The following TENM2 variants were observed in gnomAD, a reference collection of about 807,000 sequenced individuals.
The protein encoded by TENM2 is teneurin transmembrane protein 2, also known as teneurin-2.
TENM2 carries 52 observed loss-of-function variants against 245.2 expected under a neutral mutation model. That is an observed-to-expected ratio of 0.21 (90% CI 0.17 to 0.27). The LOEUF (loss-of-function observed/expected upper bound fraction) is 0.27, where lower values mean the gene tolerates loss of function less well. Among genes scored for constraint, TENM2 ranks in the 10% least tolerant of loss-of-function variants. The pLI is 1.00. For missense variants in TENM2, 3,046 were observed against 3,666.8 expected, an observed-to-expected ratio of 0.83 and a Z score of 4.37; for synonymous variants, 1,363 against 1,438.9, an observed-to-expected ratio of 0.95 and a Z score of 1.19.
intron 7 of TENM2, 82 bp from the exon 10 acceptor site, chr5:168,090,492 A>T: frequency 7.7e-7 from 1 of 1,301,100 alleles, no homozygotes; most frequent in Non-Finnish European, 1.0e-6. Flanking sequence ...TCCATTAACA[A>T]ATGGGTTCGG....
At chr5:167,636,944 A>G (rs1001360624) in intron 2 of TENM2, among the ~76,000 whole-genome samples, 7 of 152,204 alleles carry the variant, frequency 4.6e-5, no homozygotes, top group African/African-American at 1.7e-4. Context: ...GTGGGAGCTA[A>G]GAAACGGGCT....
At chr5:168,161,836 A>ACACACACT (rs1362330207) in intron 12 of TENM2, among the ~76,000 whole-genome samples, 1 of 151,860 alleles carries the variant, frequency 6.6e-6, no homozygotes, top group South Asian at 2.1e-4. Context: ...ACACACACAC[A>ACACACACT]CACACACATC....
At chr5:167,238,532 T>G in the TENM2 span, among the ~76,000 whole-genome samples, 1 of 152,132 alleles carries the variant, frequency 6.6e-6, no homozygotes. Flanking sequence ...AGATTAGGTA[T>G]TGAGGGACAT....
chr5:167,156,865 T>G, the TENM2 span, among the ~76,000 whole-genome samples: 6 of 152,190 alleles, frequency 3.9e-5, no homozygotes, highest in South Asian at 1.0e-3. Context: ...TTCTGAAATA[T>G]CGACATGTTC....
At chr5:167,808,763 G>A (rs768666110) in intron 2 of TENM2, among the ~76,000 whole-genome samples, 10 of 152,010 alleles carry the variant, frequency 6.6e-5, no homozygotes, top group Non-Finnish European at 1.3e-4. Context: ...TGTCAATAAT[G>A]CAAAACTTAT....
the TENM2 span, among the ~76,000 whole-genome samples, chr5:167,216,120 A>G: frequency 2.6e-5 from 4 of 152,280 alleles, no homozygotes; most frequent in East Asian, 3.9e-4. Flanking sequence ...ACAGAGGTTC[A>G]GTCGCTTGCT....
At chr5:167,361,426 C>T (rs1759710785) in intron 1 of TENM2, among the ~76,000 whole-genome samples, 1 of 152,152 alleles carries the variant, frequency 6.6e-6, no homozygotes, top group Non-Finnish European at 1.5e-5. Flanking sequence ...CTATAAACAA[C>T]ATATAGCACT....
intron 5 of TENM2, among the ~76,000 whole-genome samples, chr5:168,044,644 T>C (rs181728023): frequency 6.6e-6 from 1 of 151,826 alleles, no homozygotes; most frequent in Non-Finnish European, 1.5e-5. Flanking sequence ...CTTTTGGGGG[T>C]TGCAGATGTG....
chr5:167,833,585 CT>C (rs1332586902), intron 2 of TENM2, among the ~76,000 whole-genome samples: 1 of 152,194 alleles, frequency 6.6e-6, no homozygotes, highest in Non-Finnish European at 1.5e-5. Context: ...TTATCGCAGT[CT>C]TTGCGTAATC....
chr5:167,263,718 G>C, the TENM2 span, among the ~76,000 whole-genome samples: 13 of 151,370 alleles, frequency 8.6e-5, no homozygotes, highest in Admixed American at 7.2e-4. Context: ...CTCTTTTTCA[G>C]GCAAAAAGTT....
At chr5:167,713,763 G>A (rs1172560867) in intron 2 of TENM2, among the ~76,000 whole-genome samples, 1 of 152,156 alleles carries the variant, frequency 6.6e-6, no homozygotes, top group East Asian at 1.9e-4. Flanking sequence ...TCGTGCGTAC[G>A]TGCACACACA....
At chr5:167,981,171 T>C (rs1461556045) in intron 4 of TENM2, among the ~76,000 whole-genome samples, 1 of 152,204 alleles carries the variant, frequency 6.6e-6, no homozygotes, top group Non-Finnish European at 1.5e-5. Context: ...GGAATCGCCA[T>C]AGGCCCCTCT....
At chr5:168,134,388 C>T (rs1352727200) in intron 12 of TENM2, among the ~76,000 whole-genome samples, 1 of 151,794 alleles carries the variant, frequency 6.6e-6, no homozygotes, top group African/African-American at 2.4e-5. Context: ...TTGTCTAGCA[C>T]CAATGCAGGA....
At chr5:167,185,611 A>G in the TENM2 span, among the ~76,000 whole-genome samples, 3 of 152,250 alleles carry the variant, frequency 2.0e-5, no homozygotes, top group Admixed American at 2.0e-4. Context: ...TTCTTCCATG[A>G]GATTCTTATC....
At chr5:167,775,435 C>G (rs1249734738) in intron 2 of TENM2, among the ~76,000 whole-genome samples, 14 of 152,194 alleles carry the variant, frequency 9.2e-5, no homozygotes, top group Admixed American at 8.5e-4. Flanking sequence ...GCTGGTAATG[C>G]AGAACTAGGT....
At chr5:167,646,109 CACAT>C (rs1281444789) in intron 2 of TENM2, among the ~76,000 whole-genome samples, 2 of 148,130 alleles carry the variant, frequency 1.4e-5, no homozygotes, top group East Asian at 4.0e-4. Flanking sequence ...TATACACACA[CACAT>C]ATATATGTGC....
chr5:168,187,523 A>T (rs1300212014), intron 13 of TENM2: 4 of 152,160 alleles, frequency 2.6e-5, no homozygotes, highest in Non-Finnish European at 5.9e-5. Context: ...TGCTAACAGC[A>T]GTGGGTTTCT....
Position 167,721,382 on chromosome 5 carries a change from A to G in TENM2, c.503-154604A>G, listed in dbSNP as rs565846951. On this transcript the variant is annotated intron_variant, in intron 2 of 28. Transcript: ENST00000518659. ...CACCAACAGACGCTTAAGCGAACAC[A>G]CATTGATTATCCTACGGTTCTATAG... is the stretch of plus-strand genomic sequence containing the variant. The G allele has an allele frequency of 2.6e-5, 4 of 152,290 alleles. No homozygotes were observed. The East Asian group carries it at 7.7e-4, about 29-fold the overall frequency. 9.4% of individuals were successfully genotyped at this position (152,290 alleles called of 1,614,324 possible). A position where few individuals can be genotyped will look rare whatever the true frequency, so the allele number is the denominator to read the frequency against.
intron 27 of TENM2, among the ~76,000 whole-genome samples, chr5:168,253,829 G>A (rs967436247): frequency 1.3e-5 from 2 of 152,190 alleles, no homozygotes; most frequent in Non-Finnish European, 1.5e-5. Context: ...TGTGGAGAAC[G>A]GTCTCCCGAT....
Sources: gnomAD v4.1 joint callset for allele counts (sites outside exome capture counted in the v4.1 genomes callset) on GRCh38, gnomAD v4.1.1 for gene constraint, MANE v1.5 for transcripts, NCBI Gene and HGNC (gene_info 2026-07-23, HGNC 2026-07-21) for gene names.